The following UTRN variants were observed in gnomAD, a reference collection of about 807,000 sequenced individuals.
UTRN encodes dystrophin-related protein 1.
A neutral mutation model predicts 463.9 loss-of-function variants in UTRN; 283 were observed. That is an observed-to-expected ratio of 0.61 (90% CI 0.55 to 0.67). The LOEUF (loss-of-function observed/expected upper bound fraction) is 0.67, where lower values mean the gene tolerates loss of function less well. Among genes scored for constraint, UTRN ranks in the 30% least tolerant of loss-of-function variants. The pLI is 0.00. For missense variants in UTRN, 3,922 were observed against 4,084.3 expected (o/e 0.96, Z 1.08); for synonymous variants, 1,442 against 1,431.5 (o/e 1.01, Z -0.17).
intron 51 of UTRN, among the ~76,000 whole-genome samples, chr6:144,614,660 C>T (rs1456411937): frequency 1.3e-5 from 2 of 152,082 alleles, no homozygotes; most frequent in Admixed American, 6.6e-5. Flanking sequence ...TGTGGTGCTT[C>T]CATTACCAGC....
At position 144,487,492 on chromosome 6, in the gene UTRN, GAT is replaced by G. The variant is rs1419804548; in HGVS notation, c.3823-54_3823-53del. 3 of 1,464,222 alleles carry G rather than the reference GAT, an allele frequency of 2.0e-6. No individual in the cohort carries two copies. In the Admixed American group the frequency reaches 6.6e-5, roughly 32 times the overall value. 90.7% of individuals were successfully genotyped at this position (1,464,222 alleles called of 1,614,324 possible). A position where few individuals can be genotyped will look rare whatever the true frequency, so the allele number is the denominator to read the frequency against. ...ACAAATAGACATTTTGGGGATCCTT[GAT>G]ACCTTTTGCCTTAGTAAATGCATTA... On this transcript the variant is annotated intron_variant, in intron 28 of 74. Transcript: ENST00000367545.
chr6:144,516,463 T>C lies in UTRN; in HGVS notation c.5403+76T>C, dbSNP rs531436364. 6 of 1,463,450 alleles carry C rather than the reference T, an allele frequency of 4.1e-6. No individual in the cohort carries two copies. In the African/African-American group the frequency reaches 8.5e-5, roughly 21 times the overall value. The allele number at this position is 1,463,450 out of a possible 1,614,324, so 90.7% of individuals were successfully genotyped here. A position where few individuals can be genotyped will look rare whatever the true frequency, so the allele number is the denominator to read the frequency against. On this transcript the variant is annotated intron_variant, in intron 38 of 74. Transcript: ENST00000367545. ...TTAATTTCATTTTTACATCAAGATGTTTGCCCATATAATCTGTCAAACATG... is the reference window on the plus strand; with the variant it reads ...TTAATTTCATTTTTACATCAAGATGCTTGCCCATATAATCTGTCAAACATG...
At chr6:144,339,887 G>T (rs2114627203) in intron 2 of UTRN, among the ~76,000 whole-genome samples, 1 of 152,314 alleles carries the variant, frequency 6.6e-6, no homozygotes, top group Non-Finnish European at 1.5e-5. Flanking sequence ...AGAGTTCTAG[G>T]CCAGGCGTGG....
intron 73 of UTRN, among the ~76,000 whole-genome samples, chr6:144,843,073 A>G (rs1234955879): frequency 6.6e-6 from 1 of 152,184 alleles, no homozygotes; most frequent in Admixed American, 6.5e-5. Flanking sequence ...AAATCTCATC[A>G]TAGTCTTTAT....
Position 144,554,822 on chromosome 6 carries a change from T to TA in UTRN, c.7064dup (p.Tyr2355Ter). 3 of 1,613,980 alleles carry TA rather than the reference T, an allele frequency of 1.9e-6. No homozygotes were observed. Among genetic ancestry groups the TA allele is most frequent in the Non-Finnish European group, 2.5e-6 (3 of 1,179,978 alleles). Residue 2355 changes from tyrosine to a stop codon, truncating the protein, a stop_gained and frameshift_variant, in exon 49 of 75, where the codon TAT becomes TAAT. Coordinates refer to ENST00000367545, the MANE Select transcript of UTRN (RefSeq NM_007124.3). LOFTEE classifies it high-confidence loss of function. ...GGAGACTGAAGAACTGATGAGAAAA[T>TA]ATGAGGCTCGACTCTATATTCTTCA... Reference protein sequence around the residue: ...REETEELMRKYEARLYILQQA... With the variant: ...REETEELMRK
chr6:144,746,848 T>C lies in UTRN; in HGVS notation c.7940-1398T>C, dbSNP rs1381026120. ...CCTATCTACCAGTTGTGATGTTTTCTCTTCTTCCTTCAGTTCAGCTGCCAA... is the reference window on the plus strand; with the variant it reads ...CCTATCTACCAGTTGTGATGTTTTCCCTTCTTCCTTCAGTTCAGCTGCCAA... On this transcript the variant is annotated intron_variant, in intron 54 of 74. Coordinates refer to ENST00000367545, the MANE Select transcript of UTRN (RefSeq NM_007124.3). Among the ~76,000 whole-genome samples the C allele has an allele frequency of 9.9e-5, 15 of 152,254 alleles. 1 individual carries two copies. The highest frequency in any genetic ancestry group is 9.8e-4 in the Admixed American group (15 of 15,286).
chr6:144,701,278 CTTGT>C (rs1468330001), intron 53 of UTRN, among the ~76,000 whole-genome samples: 4 of 150,562 alleles, frequency 2.7e-5, no homozygotes, highest in Non-Finnish European at 5.9e-5. Context: ...TACAAACTAT[CTTGT>C]TTGTGTTTAA....
intron 34 of UTRN, among the ~76,000 whole-genome samples, chr6:144,503,266 T>C (rs1325136612): frequency 6.6e-6 from 1 of 152,236 alleles, no homozygotes; most frequent in Non-Finnish European, 1.5e-5. Context: ...AGATCTTATT[T>C]GTCAATTTTG....
chr6:144,609,076 T>C (rs930869412), intron 51 of UTRN, among the ~76,000 whole-genome samples: 1 of 152,202 alleles, frequency 6.6e-6, no homozygotes, highest in Non-Finnish European at 1.5e-5. Context: ...TTCAATAAAA[T>C]AACCAAGACT....
At chr6:144,438,985 A>G (rs1786861340) in intron 12 of UTRN, 90 bp downstream of exon 12, 2 of 1,391,748 alleles carry the variant, frequency 1.4e-6, no homozygotes, top group Non-Finnish European at 2.0e-6. Context: ...TATCGTTAAC[A>G]TGAAGTTGGG....
At chr6:144,302,437 G>C (rs1046060096) in intron 2 of UTRN, among the ~76,000 whole-genome samples, 13 of 150,252 alleles carry the variant, frequency 8.7e-5, no homozygotes, top group Non-Finnish European at 1.8e-4. Context: ...CTTGAACTGG[G>C]AGGCAGAGGT....
At chr6:144,507,936 C>T (rs977063708) in intron 34 of UTRN, among the ~76,000 whole-genome samples, 2 of 152,180 alleles carry the variant, frequency 1.3e-5, no homozygotes, top group African/African-American at 4.8e-5. Flanking sequence ...GCTGGGGCTG[C>T]CACCCTTCTT....
chr6:144,827,560 A>G (rs1489092465), intron 67 of UTRN, 51 bp from the exon 68 acceptor site: 14 of 1,607,950 alleles, frequency 8.7e-6, no homozygotes, highest in Non-Finnish European at 1.2e-5. Context: ...TAATAGTAAC[A>G]CCTATCAATA....
At chr6:144,594,757 C>T (rs922282181) in intron 51 of UTRN, among the ~76,000 whole-genome samples, 15 of 152,150 alleles carry the variant, frequency 9.9e-5, no homozygotes, top group Non-Finnish European at 1.9e-4. Context: ...AAATCCCTCA[C>T]ACTCATGAGC....
intron 53 of UTRN, 31 bp from the exon 54 acceptor site, chr6:144,730,326 A>G (rs758443039): frequency 6.4e-7 from 1 of 1,552,168 alleles, no homozygotes; most frequent in Non-Finnish European, 8.7e-7. Flanking sequence ...ACGTGAGGTT[A>G]CAAACTCAAC....
In UTRN at chr6:144,851,497, T is replaced by G. The variant is rs1782480934; in HGVS notation, c.*500T>G. On this transcript the variant is annotated 3_prime_UTR_variant, in exon 75 of 75. Transcript: ENST00000367545. ...GGTTATTTATAATTTATCAGCCATA[T>G]GTTTATCAGCCATATAACCAACTAG... 6.4e-6 allele frequency: 1 copy of G among 157,376 alleles called. No individual in the cohort carries two copies. The highest frequency in any genetic ancestry group is 1.4e-5 in the Non-Finnish European group (1 of 70,790). The allele number at this position is 157,376 out of a possible 1,614,324, so 9.7% of individuals were successfully genotyped here.
intron 2 of UTRN, among the ~76,000 whole-genome samples, chr6:144,389,641 C>T (rs1436915025): frequency 6.6e-6 from 1 of 151,826 alleles, no homozygotes; most frequent in African/African-American, 2.4e-5. Context: ...CTGTGTTGCC[C>T]AGGCTGGAGT....
At chr6:144,417,337 G>C (rs1435903517) in intron 3 of UTRN, among the ~76,000 whole-genome samples, 2 of 152,128 alleles carry the variant, frequency 1.3e-5, no homozygotes, top group Admixed American at 1.3e-4. Context: ...TGAAAACATA[G>C]ATTTAGAGCC....
At chr6:144,665,289 C>T (rs1050979166) in intron 51 of UTRN, among the ~76,000 whole-genome samples, 2 of 152,072 alleles carry the variant, frequency 1.3e-5, no homozygotes, top group Non-Finnish European at 2.9e-5. Flanking sequence ...AGATTTCAGA[C>T]AGTTCTGTTT....
Sources: allele counts gnomAD v4.1 joint callset (sites outside exome capture counted in the v4.1 genomes callset), GRCh38; gene constraint gnomAD v4.1.1; transcripts MANE v1.5; gene names NCBI Gene and HGNC (gene_info 2026-07-23, HGNC 2026-07-21).